Variants in HDAC9 observed in about 807,000 individuals in gnomAD.
The protein encoded by HDAC9 is MEF-2 interacting transcription repressor (MITR) protein.
In HDAC9, 41 loss-of-function variants were observed where a neutral mutation model predicts 139.4. That is an observed-to-expected ratio of 0.29 (90% CI 0.23 to 0.38). HDAC9 has a LOEUF of 0.38. Among genes scored for constraint, HDAC9 ranks in the 10% least tolerant of loss-of-function variants. HDAC9 has a pLI of 1.00. For missense variants in HDAC9, 1,147 were observed against 1,297.0 expected, an observed-to-expected ratio of 0.88 and a Z score of 1.78; for synonymous variants, 517 against 476.2, an observed-to-expected ratio of 1.09 and a Z score of -1.12.
chr7:18,147,183 A>G (rs565911553), intron 1 of HDAC9, among the ~76,000 whole-genome samples: 76 of 152,234 alleles, frequency 5.0e-4, no homozygotes, highest in Non-Finnish European at 9.7e-4. Context: ...TTTTGTAAAT[A>G]CCCGCTTGCA....
rs1563001438 is a variant in HDAC9 at position 18,451,429 on chromosome 7, A to ATGTGTGTGTGTGTGTGTGTATATATATG, written c.-41-44810_-41-44809insATATGTGTGTGTGTGTGTGTGTGTATAT. ...TATATGTGTGTGTGTGTGTATATAT[A>ATGTGTGTGTGTGTGTGTGTATATATATG]TGTGTGTGTGTGTGTGTGTATATGT... is the stretch of plus-strand genomic sequence containing the variant. On this transcript the variant is annotated intron_variant, in intron 1 of 3. Transcript: ENST00000413509. Among the ~76,000 whole-genome samples, 160 of 137,720 alleles carry ATGTGTGTGTGTGTGTGTGTATATATATG rather than the reference A, an allele frequency of 1.2e-3. 3 individuals are homozygous for ATGTGTGTGTGTGTGTGTGTATATATATG. Among genetic ancestry groups the ATGTGTGTGTGTGTGTGTGTATATATATG allele is most frequent in the African/African-American group, 4.0e-3 (147 of 36,694 alleles). 90.3% of individuals were successfully genotyped at this position (137,720 alleles called of 152,430 possible). A position where few individuals can be genotyped will look rare whatever the true frequency, so the allele number is the denominator to read the frequency against.
At chr7:18,686,990 A>G (rs1782320258) in intron 12 of HDAC9, among the ~76,000 whole-genome samples, 1 of 151,922 alleles carries the variant, frequency 6.6e-6, no homozygotes, top group Non-Finnish European at 1.5e-5. Flanking sequence ...CATATATAAA[A>G]TTATTAGATA....
At position 18,635,000 on chromosome 7, in the gene HDAC9, C is replaced by A. The variant is rs577590167; in HGVS notation, c.912+258C>A. Among the ~76,000 whole-genome samples the A allele has an allele frequency of 4.9e-4, 75 of 151,812 alleles. 2 individuals carry two copies. In the South Asian group the frequency reaches 0.015, roughly 31 times the overall value. ...TCAATTTTTTTCTTACAGATTTTTT[C>A]TTATTTATGGAATTCAGTAAAATTG... On this transcript the variant is annotated intron_variant, in intron 8 of 25. Transcript: ENST00000686413.
At chr7:18,202,695 G>T (rs73681727) in intron 2 of HDAC9, among the ~76,000 whole-genome samples, 26 of 152,130 alleles carry the variant, frequency 1.7e-4, no homozygotes, top group Middle Eastern at 3.2e-3. Context: ...TTCTTTTTGC[G>T]TGAGCAGCTT....
intron 1 of HDAC9, among the ~76,000 whole-genome samples, chr7:18,419,030 G>A (rs1280298168): frequency 6.6e-6 from 1 of 152,094 alleles, no homozygotes; most frequent in African/African-American, 2.4e-5. Flanking sequence ...ATGTCTGAAT[G>A]GCTAACTTGT....
At chr7:18,275,836 T>C (rs1395562542) in intron 2 of HDAC9, among the ~76,000 whole-genome samples, 1 of 152,234 alleles carries the variant, frequency 6.6e-6, no homozygotes. Flanking sequence ...TTTATAGCAC[T>C]TCCTATTTTC....
intron 3 of HDAC9, among the ~76,000 whole-genome samples, chr7:18,587,354 A>G (rs1829752886): frequency 6.6e-6 from 1 of 152,218 alleles, no homozygotes; most frequent in South Asian, 2.1e-4. Context: ...AGCTTTTAAA[A>G]TGATTTTCCA....
chr7:18,273,385 C>A (rs1796512068), intron 2 of HDAC9, among the ~76,000 whole-genome samples: 1 of 151,924 alleles, frequency 6.6e-6, no homozygotes, highest in Non-Finnish European at 1.5e-5. Context: ...TCTTATAAAG[C>A]CATAAGGTAT....
chr7:18,938,197 C>G (rs1387518883), intron 23 of HDAC9, among the ~76,000 whole-genome samples: 2 of 142,348 alleles, frequency 1.4e-5, no homozygotes, highest in Non-Finnish European at 1.5e-5. Flanking sequence ...CGCCACTGCA[C>G]TCCAGCCTGG....
intron 1 of HDAC9, among the ~76,000 whole-genome samples, chr7:18,466,159 G>T (rs1400531691): frequency 6.6e-6 from 1 of 152,058 alleles, no homozygotes; most frequent in Non-Finnish European, 1.5e-5. Context: ...GCTTCTTGAG[G>T]TTACTCACCT....
intron 1 of HDAC9, among the ~76,000 whole-genome samples, chr7:18,138,403 G>T (rs1056682455): frequency 6.6e-6 from 1 of 152,016 alleles, no homozygotes; most frequent in East Asian, 1.9e-4. Flanking sequence ...TGCAAATGGT[G>T]TAAGAAGGGT....
intron 11 of HDAC9, among the ~76,000 whole-genome samples, chr7:18,648,927 G>A (rs1028636567): frequency 6.6e-6 from 1 of 152,172 alleles, no homozygotes; most frequent in Middle Eastern, 3.2e-3. Context: ...TTTATGATCA[G>A]GTATATATTT....
chr7:18,564,975 A>G (rs982363099), intron 2 of HDAC9, among the ~76,000 whole-genome samples: 12 of 147,786 alleles, frequency 8.1e-5, no homozygotes, highest in Non-Finnish European at 1.6e-4. Context: ...TTATTTATTT[A>G]TTTATTTATT....
intron 1 of HDAC9, among the ~76,000 whole-genome samples, chr7:18,296,315 C>T (rs138857001): frequency 7.8e-4 from 118 of 152,188 alleles, no homozygotes; most frequent in African/African-American, 2.7e-3. Context: ...TTAAAACATA[C>T]TTTAAACATT....
At chr7:18,518,421 C>G (rs2128207988) in intron 2 of HDAC9, among the ~76,000 whole-genome samples, 1 of 152,256 alleles carries the variant, frequency 6.6e-6, no homozygotes, top group East Asian at 1.9e-4. Context: ...TGTCTTAATA[C>G]TCAAAGAAGT....
At chr7:18,579,874 A>G (rs1410246932) in intron 2 of HDAC9, among the ~76,000 whole-genome samples, 2 of 152,108 alleles carry the variant, frequency 1.3e-5, no homozygotes, top group Non-Finnish European at 2.9e-5. Context: ...ATGGTTGTAT[A>G]TGCACAAAAT....
chr7:18,614,781 C>G (rs1029788944), intron 6 of HDAC9, among the ~76,000 whole-genome samples: 1 of 152,118 alleles, frequency 6.6e-6, no homozygotes, highest in Admixed American at 6.6e-5. Flanking sequence ...CTTCTTTGAG[C>G]CCCTCCAGAA....
chr7:18,301,045 C>T (rs960896583), intron 1 of HDAC9, among the ~76,000 whole-genome samples: 2 of 151,686 alleles, frequency 1.3e-5, no homozygotes, highest in African/African-American at 4.8e-5. Context: ...TTAAGAAATG[C>T]AAACATTTTT....
intron 6 of HDAC9, among the ~76,000 whole-genome samples, chr7:18,611,845 A>G (rs1193045424): frequency 2.6e-5 from 4 of 152,168 alleles, no homozygotes; most frequent in African/African-American, 9.6e-5. Context: ...TTGTAAAAGC[A>G]ATGATGAGAG....
Sources: gnomAD v4.1 joint callset for allele counts (sites outside exome capture counted in the v4.1 genomes callset) on GRCh38, gnomAD v4.1.1 for gene constraint, MANE v1.5 for transcripts, NCBI Gene and HGNC (gene_info 2026-07-23, HGNC 2026-07-21) for gene names.